LYPLAL1: variants seen among roughly 807,000 people sequenced by gnomAD.
LYPLAL1 encodes lysophospholipase-like protein 1.
Under a neutral mutation model 19.7 loss-of-function variants are expected in LYPLAL1, and 23 were observed. The observed-to-expected ratio is 1.17, with a 90% CI of 0.84 to 1.65. LYPLAL1 has a LOEUF of 1.65. Among genes scored for constraint, LYPLAL1 ranks in the 40% most tolerant of loss-of-function variants. The pLI, the probability that LYPLAL1 is intolerant of heterozygous loss-of-function variation, is 0.00. For missense variants in LYPLAL1, 355 were observed against 279.4 expected (o/e 1.27, Z -1.93); for synonymous variants, 119 against 96.3 (o/e 1.24, Z -1.38).
chr1:219,436,028 T>C, the LYPLAL1 span, among the ~76,000 whole-genome samples: 47 of 152,290 alleles, frequency 3.1e-4, no homozygotes, highest in Non-Finnish European at 5.7e-4. Context: ...TGCCATCTCC[T>C]ATTACAAGAA....
At chr1:219,255,180 A>AT in the LYPLAL1 span, among the ~76,000 whole-genome samples, 1 of 151,746 alleles carries the variant, frequency 6.6e-6, no homozygotes, top group Non-Finnish European at 1.5e-5. Flanking sequence ...TTATGGATGA[A>AT]TTTGGGGAGA....
chr1:219,389,604 C>A, the LYPLAL1 span, among the ~76,000 whole-genome samples: 1 of 152,128 alleles, frequency 6.6e-6, no homozygotes, highest in African/African-American at 2.4e-5. Context: ...CTCAGAATAA[C>A]CCTTATGCTA....
At chr1:219,240,014 A>G in the LYPLAL1 span, among the ~76,000 whole-genome samples, 3 of 152,222 alleles carry the variant, frequency 2.0e-5, no homozygotes, top group Non-Finnish European at 4.4e-5. Flanking sequence ...CCAATGGAAA[A>G]CACAATATGA....
At chr1:219,427,708 A>C in the LYPLAL1 span, among the ~76,000 whole-genome samples, 1 of 152,176 alleles carries the variant, frequency 6.6e-6, no homozygotes, top group Non-Finnish European at 1.5e-5. Flanking sequence ...TGAGATGAGA[A>C]ACAGCATTAC....
the LYPLAL1 span, among the ~76,000 whole-genome samples, chr1:219,244,399 A>C: frequency 1.3e-5 from 2 of 152,152 alleles, no homozygotes; most frequent in African/African-American, 4.8e-5. Context: ...AGATAGTGCA[A>C]GTTATTTAAG....
chr1:219,282,265 T>C, the LYPLAL1 span, among the ~76,000 whole-genome samples: 1 of 151,708 alleles, frequency 6.6e-6, no homozygotes, highest in Non-Finnish European at 1.5e-5. Context: ...AATTGTAAGA[T>C]AGGGCCAAGC....
chr1:219,428,450 G>A, the LYPLAL1 span, among the ~76,000 whole-genome samples: 2 of 152,206 alleles, frequency 1.3e-5, no homozygotes, highest in Non-Finnish European at 2.9e-5. Flanking sequence ...ATCAGTTAAA[G>A]TGTTGTAGAA....
chr1:219,389,451 A>T, the LYPLAL1 span, among the ~76,000 whole-genome samples: 2 of 152,164 alleles, frequency 1.3e-5, no homozygotes, highest in South Asian at 4.1e-4. Flanking sequence ...ATTTAAAGTT[A>T]TATTTCTCTT....
chr1:219,208,657 T>G (rs1013246998), intron 3 of LYPLAL1, among the ~76,000 whole-genome samples: 4 of 152,026 alleles, frequency 2.6e-5, no homozygotes, highest in African/African-American at 9.7e-5. Context: ...GAAAATATGA[T>G]TATTGAAGAA....
chr1:219,312,613 A>G, the LYPLAL1 span, among the ~76,000 whole-genome samples: 19 of 152,194 alleles, frequency 1.2e-4, no homozygotes, highest in African/African-American at 4.3e-4. Flanking sequence ...CAAGAGTACT[A>G]TCATGAAAGA....
the LYPLAL1 span, among the ~76,000 whole-genome samples, chr1:219,371,137 T>C: frequency 6.6e-6 from 1 of 152,174 alleles, no homozygotes; most frequent in Non-Finnish European, 1.5e-5. Flanking sequence ...CAGATATTTG[T>C]CACGAAATAT....
chr1:219,282,954 A>C, the LYPLAL1 span, among the ~76,000 whole-genome samples: 1 of 152,296 alleles, frequency 6.6e-6, no homozygotes, highest in East Asian at 1.9e-4. Flanking sequence ...TTCTAGGATG[A>C]AATTATCCAT....
chr1:219,264,769 G>A, the LYPLAL1 span, among the ~76,000 whole-genome samples: 1 of 152,082 alleles, frequency 6.6e-6, no homozygotes, highest in Non-Finnish European at 1.5e-5. Flanking sequence ...GCTCCAGGAG[G>A]GAGCACATTT....
chr1:219,174,235 G>A, intron 1 of LYPLAL1: 1 of 1,380,254 alleles, frequency 7.2e-7, no homozygotes, highest in South Asian at 1.5e-5. Flanking sequence ...CCGCCGCTCA[G>A]CCAGCCCTCC....
the LYPLAL1 span, among the ~76,000 whole-genome samples, chr1:219,406,235 G>C: frequency 2.0e-5 from 3 of 152,138 alleles, no homozygotes; most frequent in Non-Finnish European, 4.4e-5. Flanking sequence ...ATTTTAATTC[G>C]CTAAATTTAA....
chr1:219,444,605 C>A, the LYPLAL1 span, among the ~76,000 whole-genome samples: 12 of 152,336 alleles, frequency 7.9e-5, no homozygotes, highest in African/African-American at 2.9e-4. Flanking sequence ...CAGCTGTGGC[C>A]TTTTATCTCC....
chr1:219,261,117 C>A, the LYPLAL1 span, among the ~76,000 whole-genome samples: 2 of 152,078 alleles, frequency 1.3e-5, no homozygotes, highest in Non-Finnish European at 2.9e-5. Context: ...CCTTAAATAT[C>A]TTTTTAGAAA....
chr1:219,288,653 T>G, the LYPLAL1 span, among the ~76,000 whole-genome samples: 2 of 152,188 alleles, frequency 1.3e-5, no homozygotes, highest in South Asian at 2.1e-4. Flanking sequence ...AACTATGGAC[T>G]TTGGGTGATA....
chr1:219,186,507 G>T (rs1321994748), intron 2 of LYPLAL1, among the ~76,000 whole-genome samples: 1 of 148,810 alleles, frequency 6.7e-6, no homozygotes, highest in Non-Finnish European at 1.5e-5. Context: ...ATATTATTAG[G>T]TGCATATTCA....
Sources: gnomAD v4.1 joint callset for allele counts (sites outside exome capture counted in the v4.1 genomes callset) on GRCh38, gnomAD v4.1.1 for gene constraint, MANE v1.5 for transcripts, NCBI Gene and HGNC (gene_info 2026-07-23, HGNC 2026-07-21) for gene names.